Variants in LYN observed in about 807,000 individuals in gnomAD.
The protein encoded by LYN is LYN proto-oncogene, Src family tyrosine kinase.
LYN carries 12 observed loss-of-function variants against 65.0 expected under a neutral mutation model. The observed-to-expected ratio is 0.18, with a 90% CI of 0.12 to 0.30. The LOEUF is 0.30. Ranked by LOEUF, LYN falls within the 10% of genes least tolerant of loss-of-function variation. LYN has a pLI of 1.00. For missense variants in LYN, 380 were observed against 623.2 expected (o/e 0.61, Z 4.16); for synonymous variants, 222 against 221.2 (o/e 1.00, Z -0.03).
At chr8:56,001,832 G>A (rs1024311067) in intron 12 of LYN, among the ~76,000 whole-genome samples, 1 of 152,084 alleles carries the variant, frequency 6.6e-6, no homozygotes, top group Non-Finnish European at 1.5e-5. Context: ...CATGTGATGT[G>A]CTACCATGGC....
chr8:56,004,114 T>C (rs1484673416), intron 12 of LYN, among the ~76,000 whole-genome samples: 1 of 151,578 alleles, frequency 6.6e-6, no homozygotes, highest in East Asian at 1.9e-4. Context: ...GTATTTTTAG[T>C]AGAGATGGGG....
At chr8:55,946,093 C>T (rs1001709385) in intron 2 of LYN, among the ~76,000 whole-genome samples, 5 of 152,190 alleles carry the variant, frequency 3.3e-5, no homozygotes, top group South Asian at 2.1e-4. Flanking sequence ...GCCCTCTGCC[C>T]GGGGCTAGAG....
intron 1 of LYN, among the ~76,000 whole-genome samples, chr8:55,911,663 G>C (rs944530108): frequency 9.9e-6 from 1 of 100,876 alleles, no homozygotes; most frequent in Admixed American, 1.1e-4. Context: ...GGTAACCCTG[G>C]GGGCAGTCCT....
chr8:55,965,982 A>G (rs995138126), intron 8 of LYN, among the ~76,000 whole-genome samples: 2 of 152,006 alleles, frequency 1.3e-5, no homozygotes, highest in African/African-American at 4.8e-5. Flanking sequence ...AAAATTAGCC[A>G]GGTGTGGTGG....
intron 1 of LYN, among the ~76,000 whole-genome samples, chr8:55,924,705 C>T (rs143655358): frequency 6.6e-6 from 1 of 152,228 alleles, no homozygotes; most frequent in East Asian, 1.9e-4. Flanking sequence ...CAGCCATGAC[C>T]TTCCATTTCC....
At chr8:55,941,447 G>A (rs1806610093) in intron 1 of LYN, among the ~76,000 whole-genome samples, 1 of 152,150 alleles carries the variant, frequency 6.6e-6, no homozygotes. Flanking sequence ...TCTCTTTGCT[G>A]ACTTTGCAAA....
At chr8:55,972,192 G>T (rs16922497) in intron 10 of LYN, among the ~76,000 whole-genome samples, 2,390 of 152,290 alleles carry the variant, frequency 0.016, 45 homozygotes, top group Middle Eastern at 0.065. Flanking sequence ...AGAGTCACGG[G>T]TCAGCAGCAG....
chr8:56,010,171 C>A lies in LYN; in HGVS notation c.*61C>A. 1 of 1,532,200 alleles carries A rather than the reference C, an allele frequency of 6.5e-7. No homozygotes were observed. Among genetic ancestry groups the A allele is most frequent in the Non-Finnish European group, 9.0e-7 (1 of 1,108,884 alleles). The allele number at this position is 1,532,200 out of a possible 1,614,324, so 94.9% of individuals were successfully genotyped here. On this transcript the variant is annotated 3_prime_UTR_variant, in exon 13 of 13. Coordinates refer to ENST00000519728, the MANE Select transcript of LYN (RefSeq NM_002350.4). Reference sequence around the variant, plus strand: ...TGCCTCATTTAGAGAGGAAAAGTAACCATCACTGGTTGCACTTATGATTTC... The same window carrying A: ...TGCCTCATTTAGAGAGGAAAAGTAAACATCACTGGTTGCACTTATGATTTC...
At chr8:55,972,866 T>C (rs1265843008) in intron 10 of LYN, among the ~76,000 whole-genome samples, 6 of 152,238 alleles carry the variant, frequency 3.9e-5, no homozygotes, top group Non-Finnish European at 8.8e-5. Context: ...AGAAGTCCAT[T>C]TGCTGTGTCA....
intron 1 of LYN, among the ~76,000 whole-genome samples, chr8:55,934,058 T>A (rs1005602153): frequency 6.6e-6 from 1 of 152,140 alleles, no homozygotes; most frequent in African/African-American, 2.4e-5. Context: ...AAACCCCATC[T>A]TTACTAAAAG....
At chr8:55,930,442 A>G (rs1235183715) in intron 1 of LYN, among the ~76,000 whole-genome samples, 1 of 152,142 alleles carries the variant, frequency 6.6e-6, no homozygotes, top group Non-Finnish European at 1.5e-5. Context: ...TGAATCTGGA[A>G]ACAAAGTTGA....
At position 55,911,528 on chromosome 8, in the gene LYN, C is replaced by G. The variant is rs116865222; in HGVS notation, c.-5-30327C>G. 5.6e-3 allele frequency among the ~76,000 whole-genome samples: 852 copies of G among 151,826 alleles called. 5 individuals are homozygous for G. Among genetic ancestry groups the G allele is most frequent in the Non-Finnish European group, 0.01 (685 of 67,952 alleles). ...CAGACTGAGATGACTCTCCTGGTGA[C>G]CCTGAACTCGTAGGGGCAGCAGGTG... On this transcript the variant is annotated intron_variant, in intron 1 of 12. Coordinates refer to ENST00000519728, the MANE Select transcript of LYN (RefSeq NM_002350.4).
At chr8:55,982,971 C>G (rs1179721023) in intron 10 of LYN, among the ~76,000 whole-genome samples, 1 of 152,104 alleles carries the variant, frequency 6.6e-6, no homozygotes, top group Admixed American at 6.5e-5. Context: ...TCTCTCCTCC[C>G]CTAGCTTGGA....
chr8:55,947,520 C>G, intron 3 of LYN, 98 bp from the exon 4 acceptor site: 1 of 829,072 alleles, frequency 1.2e-6, no homozygotes, highest in East Asian at 2.5e-5. Context: ...CCAGTTGCCC[C>G]CTCTTAGTGC....
chr8:55,951,895 A>G (rs766946163), intron 6 of LYN, 71 bp from the exon 7 acceptor site: 82 of 1,172,752 alleles, frequency 7.0e-5, no homozygotes, highest in African/African-American at 3.1e-4. Context: ...CAAAATGTGT[A>G]CTGCAGTTGT....
chr8:55,967,832 T>A (rs1807506239), intron 9 of LYN, among the ~76,000 whole-genome samples: 3 of 152,188 alleles, frequency 2.0e-5, no homozygotes. Flanking sequence ...CTTCCTTTGT[T>A]CACCTCCAGT....
chr8:55,962,840 C>T (rs1807327075), intron 8 of LYN, among the ~76,000 whole-genome samples: 1 of 152,204 alleles, frequency 6.6e-6, no homozygotes, highest in African/African-American at 2.4e-5. Flanking sequence ...CCTGTCTCTG[C>T]TTCTGGTGAA....
At chr8:56,004,687 G>C (rs1004249168) in intron 12 of LYN, among the ~76,000 whole-genome samples, 7 of 152,126 alleles carry the variant, frequency 4.6e-5, no homozygotes, top group Non-Finnish European at 1.0e-4. Flanking sequence ...TCTAGCGTTT[G>C]CTGCATATAG....
chr8:55,967,917 G>T (rs1246578675), intron 9 of LYN, among the ~76,000 whole-genome samples: 1 of 152,188 alleles, frequency 6.6e-6, no homozygotes, highest in Non-Finnish European at 1.5e-5. Context: ...CATAAGCAAT[G>T]ATCCAGGATT....
Sources: allele counts gnomAD v4.1 joint callset (sites outside exome capture counted in the v4.1 genomes callset), GRCh38; gene constraint gnomAD v4.1.1; transcripts MANE v1.5; gene names NCBI Gene and HGNC (gene_info 2026-07-23, HGNC 2026-07-21).